TTC34: variants seen among roughly 807,000 people sequenced by gnomAD.
The protein encoded by TTC34 is tetratricopeptide repeat protein 34.
Under a neutral mutation model 40.7 loss-of-function variants are expected in TTC34, and 44 were observed. That is an observed-to-expected ratio of 1.08 (90% CI 0.85 to 1.39). The LOEUF is 1.39. Among genes scored for constraint, TTC34 ranks in the 40% most tolerant of loss-of-function variants. TTC34 has a pLI of 0.00. For missense variants in TTC34, 884 were observed against 838.0 expected (o/e 1.05, Z -0.68); for synonymous variants, 422 against 398.6 (o/e 1.06, Z -0.70).
intron 6 of TTC34, among the ~76,000 whole-genome samples, chr1:2,764,211 A>AGCATCC (rs1176555652): frequency 4.0e-5 from 6 of 148,994 alleles, no homozygotes; most frequent in African/African-American, 1.3e-4. Context: ...AGTCTGGAAC[A>AGCATCC]GCATCCACAC....
rs548880623 is a variant in TTC34 at position 2,691,535 on chromosome 1, A to T, written c.2227-45972T>A. Among the ~76,000 whole-genome samples, 14 of 94,164 alleles carry T rather than the reference A, an allele frequency of 1.5e-4. 1 individual carries two copies. Among genetic ancestry groups the T allele is most frequent in the African/African-American group, 5.1e-4 (14 of 27,702 alleles). The allele number at this position is 94,164 out of a possible 152,430, so 61.8% of individuals were successfully genotyped here. On this transcript the variant is annotated intron_variant, in intron 6 of 8. Coordinates refer to ENST00000401095, the Ensembl canonical transcript of TTC34. ...TGAGCATCGGAGAGTCTGGAACAGAACCCACACCCCCAGGTGAGCATCTGA... is the reference window on the plus strand; with the variant it reads ...TGAGCATCGGAGAGTCTGGAACAGATCCCACACCCCCAGGTGAGCATCTGA...
chr1:2,755,938 C>G (rs1295179032), intron 6 of TTC34, among the ~76,000 whole-genome samples: 3 of 83,146 alleles, frequency 3.6e-5, no homozygotes, highest in African/African-American at 9.1e-5. Context: ...GGAGCAGCAC[C>G]CTGCACCCCC....
chr1:2,784,044 G>C (rs1643536183), intron 5 of TTC34, among the ~76,000 whole-genome samples: 1 of 152,178 alleles, frequency 6.6e-6, no homozygotes, highest in Admixed American at 6.5e-5. Flanking sequence ...CCAGGCGAGG[G>C]CAGGGGGATC....
intron 6 of TTC34, among the ~76,000 whole-genome samples, chr1:2,647,151 C>T (rs1383402766): frequency 5.9e-5 from 9 of 151,638 alleles, no homozygotes. Context: ...TTCTATTTTT[C>T]CTCTTGGGAT....
At chr1:2,751,447 C>G (rs1364162910) in intron 6 of TTC34, among the ~76,000 whole-genome samples, 1 of 20,340 alleles carries the variant, frequency 4.9e-5, no homozygotes, top group Non-Finnish European at 9.8e-5. Context: ...GAGCCCAGAC[C>G]CCCAGGTGAG....
At chr1:2,783,048 A>G (rs527623927) in intron 6 of TTC34, among the ~76,000 whole-genome samples, 32 of 152,246 alleles carry the variant, frequency 2.1e-4, no homozygotes, top group African/African-American at 7.0e-4. Context: ...CCCTCTCCCA[A>G]CTTTTATTTT....
chr1:2,655,593 G>T (rs1410933082), intron 6 of TTC34, among the ~76,000 whole-genome samples: 1 of 138,558 alleles, frequency 7.2e-6, no homozygotes, highest in East Asian at 2.1e-4. Context: ...GCATCTGACA[G>T]CCTGGAACAG....
chr1:2,750,752 G>A lies in TTC34; in HGVS notation c.2226+32857C>T, dbSNP rs1443553278. Among the ~76,000 whole-genome samples the A allele has an allele frequency of 9.6e-5, 7 of 73,192 alleles. 3 individuals are homozygous for A. Among genetic ancestry groups the A allele is most frequent in the Non-Finnish European group, 1.1e-4 (4 of 34,994 alleles). 48.0% of individuals were successfully genotyped at this position (73,192 alleles called of 152,430 possible). ...CCCCAGGTGAGCATCTGATGGTCTG[G>A]AGCAGCACGCATAAACACAGGTGAA... is the stretch of plus-strand genomic sequence containing the variant. On this transcript the variant is annotated intron_variant, in intron 6 of 8. Coordinates refer to ENST00000401095, the Ensembl canonical transcript of TTC34.
intron 6 of TTC34, chr1:2,775,498 A>T (rs952359173): frequency 6.8e-6 from 1 of 147,940 alleles, no homozygotes; most frequent in Non-Finnish European, 1.5e-5. Context: ...GACAGCCTGA[A>T]ACAGCACCCT....
At chr1:2,750,103 A>G (rs1268000859) in intron 6 of TTC34, among the ~76,000 whole-genome samples, 1 of 141,542 alleles carries the variant, frequency 7.1e-6, no homozygotes, top group Non-Finnish European at 1.5e-5. Flanking sequence ...AGCATCTGAC[A>G]GCCTGGAACA....
chr1:2,750,951 G>C lies in TTC34; in HGVS notation c.2226+32658C>G, dbSNP rs1189813447. Among the ~76,000 whole-genome samples, 5 of 119,416 alleles carry C rather than the reference G, an allele frequency of 4.2e-5. 2 individuals carry two copies. In the Admixed American group the frequency reaches 4.3e-4, roughly 10 times the overall value. 78.3% of individuals were successfully genotyped at this position (119,416 alleles called of 152,430 possible). ...CCTTCAGGCGAGCATCGGACAGCCT[G>C]GAGCAGCACCCACACCCCCAGGTGC... is the stretch of plus-strand genomic sequence containing the variant. On this transcript the variant is annotated intron_variant, in intron 6 of 8. Coordinates refer to ENST00000401095, the Ensembl canonical transcript of TTC34.
intron 6 of TTC34, among the ~76,000 whole-genome samples, chr1:2,772,978 C>A (rs1390619629): frequency 2.3e-5 from 3 of 131,992 alleles, no homozygotes; most frequent in Admixed American, 7.3e-5. Context: ...GCATGCACAC[C>A]CCCAGGCGAG....
At chr1:2,795,378 C>G (rs1643701521) in intron 2 of TTC34, among the ~76,000 whole-genome samples, 2 of 152,228 alleles carry the variant, frequency 1.3e-5, no homozygotes, top group African/African-American at 4.8e-5. Flanking sequence ...AGTGGCTTTA[C>G]CGGACAAGAG....
At chr1:2,699,999 A>G (rs1641055678) in intron 6 of TTC34, among the ~76,000 whole-genome samples, 1 of 109,668 alleles carries the variant, frequency 9.1e-6, no homozygotes, top group Non-Finnish European at 2.1e-5. Flanking sequence ...GACAGCCTGG[A>G]GCAGCGTCCA....
intron 6 of TTC34, among the ~76,000 whole-genome samples, chr1:2,692,509 A>ATT (rs1444052302): frequency 0.014 from 306 of 21,266 alleles, 1 homozygote; most frequent in Middle Eastern, 0.1. Context: ...CTGCACCCCC[A>ATT]GGTGTGCACG....
intron 6 of TTC34, among the ~76,000 whole-genome samples, chr1:2,752,429 C>T (rs1174504592): frequency 0.015 from 2,170 of 145,352 alleles, 151 homozygotes; most frequent in Admixed American, 0.025. Flanking sequence ...GAGCATCTGA[C>T]AGCCTGGAAC....
intron 2 of TTC34, among the ~76,000 whole-genome samples, chr1:2,791,335 G>T (rs72646041): frequency 8.1e-4 from 124 of 152,334 alleles, no homozygotes; most frequent in Non-Finnish European, 1.2e-3. Flanking sequence ...GGGGAGGGAC[G>T]TTCTGAGGGT....
chr1:2,686,078 C>T (rs1570813138), intron 6 of TTC34, among the ~76,000 whole-genome samples: 1 of 124,450 alleles, frequency 8.0e-6, no homozygotes, highest in Non-Finnish European at 1.7e-5. Flanking sequence ...GAAGCACCCA[C>T]ACCCCCAGGC....
chr1:2,695,849 T>TC (rs1640839838), intron 6 of TTC34, among the ~76,000 whole-genome samples: 1 of 148,080 alleles, frequency 6.8e-6, no homozygotes, highest in African/African-American at 2.5e-5. Context: ...CAGGTGAACA[T>TC]CCGACAGCCT....
Sources: allele counts gnomAD v4.1 joint callset (sites outside exome capture counted in the v4.1 genomes callset), GRCh38; gene constraint gnomAD v4.1.1; transcripts MANE v1.5; gene names NCBI Gene and HGNC (gene_info 2026-07-23, HGNC 2026-07-21).